AGO1: variants seen among roughly 807,000 people sequenced by gnomAD.
The protein encoded by AGO1 is protein argonaute-1.
AGO1 carries 11 observed loss-of-function variants against 109.2 expected under a neutral mutation model. The ratio of observed to expected loss-of-function variants is 0.10; its 90% confidence interval spans 0.06 to 0.17. The LOEUF (loss-of-function observed/expected upper bound fraction) is 0.17. Among genes scored for constraint, AGO1 ranks in the 10% least tolerant of loss-of-function variants. The probability of loss-of-function intolerance (pLI) is 1.00; values close to 1 mark genes in which losing one functional copy is unlikely to be tolerated. For missense variants in AGO1, 574 were observed against 1,140.3 expected, an observed-to-expected ratio of 0.50 and a Z score of 7.15; for synonymous variants, 422 against 418.6, an observed-to-expected ratio of 1.01 and a Z score of -0.10.
chr1:35,886,212 G>C lies in AGO1; in HGVS notation c.26-2215G>C, dbSNP rs566651312. On this transcript the variant is annotated intron_variant, in intron 1 of 18. Coordinates refer to ENST00000373204, the MANE Select transcript of AGO1 (RefSeq NM_012199.5). ...AGGCCCAAGCTTTGTCCTCTGTGCT[G>C]GGGCCCTCATCTGCATCACAAAGTG... Among the ~76,000 whole-genome samples, 11 of 152,284 alleles carry C rather than the reference G, an allele frequency of 7.2e-5. 1 individual carries two copies. Among genetic ancestry groups the C allele is most frequent in the Non-Finnish European group, 1.6e-4 (11 of 68,032 alleles).
chr1:35,894,409 T>A lies in AGO1; in HGVS notation c.872+7T>A, dbSNP rs2148711813. ...GCCCTGCTAGCCATCAGACGTAAGT[T>A]GGCAGGGGTGCTGAGTCATACTTTG... is the stretch of plus-strand genomic sequence containing the variant. On this transcript the variant is annotated splice_region_variant and intron_variant, in intron 7 of 18. Transcript: ENST00000373204. The A allele has an allele frequency of 6.2e-7, 1 of 1,613,830 alleles. No homozygotes were observed. The highest frequency in any genetic ancestry group is 1.3e-5 in the African/African-American group (1 of 75,020).
rs116755278 is a variant in AGO1 at position 35,906,919 on chromosome 1, C to T, written c.1398-16C>T. ...GTGAGACTCACTGCCTCCTTTGTGA[C>T]CATGCGTGTGTACAGGAACTTCACA... On this transcript the variant is annotated splice_polypyrimidine_tract_variant and intron_variant, in intron 11 of 18. Transcript: ENST00000373204. 1,520 of 1,599,276 alleles carry T rather than the reference C, an allele frequency of 9.5e-4. 16 individuals carry two copies. The African/African-American group carries it at 0.016, about 17-fold the overall frequency.
rs577246142 is a variant in AGO1 at position 35,924,361 on chromosome 1, C to T, written c.*4754C>T. ...CAAACTTTTGGGACTGATTACATCTCTAATAGATTTTAGGTGAGAATAATA... is the reference window on the plus strand; with the variant it reads ...CAAACTTTTGGGACTGATTACATCTTTAATAGATTTTAGGTGAGAATAATA... On this transcript the variant is annotated 3_prime_UTR_variant, in exon 19 of 19. Coordinates refer to ENST00000373204, the MANE Select transcript of AGO1 (RefSeq NM_012199.5). The T allele has an allele frequency of 1.3e-5, 2 of 152,618 alleles. No homozygotes were observed. The highest frequency in any genetic ancestry group is 3.9e-4 in the East Asian group (2 of 5,184). The allele number at this position is 152,618 out of a possible 1,614,324, so 9.5% of individuals were successfully genotyped here.
chr1:35,915,268 T>C, intron 14 of AGO1, 80 bp from the exon 15 acceptor site: 1 of 1,328,134 alleles, frequency 7.5e-7, no homozygotes, highest in South Asian at 1.3e-5. Context: ...GTTTTCTTGC[T>C]AAGAAGCCTT....
At position 35,921,057 on chromosome 1, in the gene AGO1, A is replaced by C. The variant is rs924373359; in HGVS notation, c.*1450A>C. 6.6e-6 allele frequency: 1 copy of C among 152,644 alleles called. No homozygotes were observed. The highest frequency in any genetic ancestry group is 1.5e-5 in the Non-Finnish European group (1 of 68,200). 9.5% of individuals were successfully genotyped at this position (152,644 alleles called of 1,614,324 possible). A position where few individuals can be genotyped will look rare whatever the true frequency, so the allele number is the denominator to read the frequency against. On this transcript the variant is annotated 3_prime_UTR_variant, in exon 19 of 19. Coordinates refer to ENST00000373204, the MANE Select transcript of AGO1 (RefSeq NM_012199.5). Reference sequence around the variant, plus strand: ...GGCTCCATCCTTCCTCTGTGCAGATAATACCTTTTTCTTGCTATAGCCTCC... The same window carrying C: ...GGCTCCATCCTTCCTCTGTGCAGATCATACCTTTTTCTTGCTATAGCCTCC...
rs751632923 is a variant in AGO1 at position 35,914,244 on chromosome 1, A to G, written c.1803A>G (p.Ala601=). 1.2e-6 allele frequency: 2 copies of G among 1,614,164 alleles called. No homozygotes were observed. Among genetic ancestry groups the G allele is most frequent in the Non-Finnish European group, 8.5e-7 (1 of 1,179,998 alleles). The part of the protein sequence containing the change: ...FLGADVTHPP[A]GDGKKPSITA... ...GAGCAGATGTTACACACCCCCCAGC[A>G]GGGGATGGGAAAAAACCTTCTATCA... The change falls in exon 14 of 19, where the codon GCA becomes GCG. Residue 601 remains alanine, a synonymous_variant. Transcript: ENST00000373204.
chr1:35,928,242 T>G lies in AGO1; in HGVS notation c.*8635T>G, dbSNP rs558557808. On this transcript the variant is annotated 3_prime_UTR_variant, in exon 19 of 19. Transcript: ENST00000373204. ...ATTGATCATCTTTTCATGTGCTCAC[T>G]TACTATCCCCATATCTTTGTTGTTT... The G allele has an allele frequency of 2.0e-5, 3 of 152,326 alleles. No individual in the cohort carries two copies. In the East Asian group the frequency reaches 5.8e-4, roughly 29 times the overall value. 9.4% of individuals were successfully genotyped at this position (152,326 alleles called of 1,614,324 possible).
Position 35,893,119 on chromosome 1 carries a change from C to A in AGO1, c.353C>A (p.Pro118His). 6.2e-7 allele frequency: 1 copy of A among 1,614,064 alleles called. No individual in the cohort carries two copies. Reference protein sequence around the residue: ...NERVDFEVTIPGEGKDRIFKV... With the variant: ...NERVDFEVTIHGEGKDRIFKV... ...AAGGTCGACTTTGAGGTGACAATCC[C>A]TGGGGAAGGGAAGGATCGAATCTTT... is the stretch of plus-strand genomic sequence containing the variant. The change falls in exon 4 of 19, where the codon CCT becomes CAT. Residue 118 changes from proline to histidine, a missense_variant. This residue lies in a region of AGO1 where 129 missense variants were observed against 243.0 expected (regional missense o/e 0.53). Transcript: ENST00000373204. The surrounding 1 kb of genome is among the most constrained non-coding windows in gnomAD (Gnocchi z 5.6).
intron 8 of AGO1, among the ~76,000 whole-genome samples, chr1:35,900,878 A>T (rs972789301): frequency 6.6e-6 from 1 of 152,168 alleles, no homozygotes; most frequent in Non-Finnish European, 1.5e-5. Context: ...ACTGCACTCC[A>T]GCCTGGGTAA....
chr1:35,918,005 A>G (rs1372818565), intron 16 of AGO1, among the ~76,000 whole-genome samples: 2 of 152,018 alleles, frequency 1.3e-5, no homozygotes, highest in African/African-American at 4.8e-5. Context: ...GGGAACTACC[A>G]TTTATTGAAC....
chr1:35,914,273 C>T lies in AGO1; in HGVS notation c.1832C>T (p.Ala611Val). The stretch of plus-strand genomic sequence containing the variant: ...GATGGGAAAAAACCTTCTATCACAG[C>T]AGTGAGTGATATTCTGTAGCTGCCT... ...AGDGKKPSIT[A>V]VVGSMDAHPS... The change falls in exon 14 of 19, where the codon GCA becomes GTA. Residue 611 changes from alanine to valine, a missense_variant and splice_region_variant. Ala to Val is a moderately conservative substitution (Grantham distance 64). Transcript: ENST00000373204. The T allele has an allele frequency of 6.2e-7, 1 of 1,612,976 alleles. No individual in the cohort carries two copies. Among genetic ancestry groups the T allele is most frequent in the Non-Finnish European group, 8.5e-7 (1 of 1,178,896 alleles).
In AGO1 at chr1:35,929,203, C is replaced by T. The variant is rs1025669719; in HGVS notation, c.*9596C>T. ...AGGAGAGAGCCTCATACAGCTTTGCCTTTGGCAGAATCCTTCAAACCTCTT... is the reference window on the plus strand; with the variant it reads ...AGGAGAGAGCCTCATACAGCTTTGCTTTTGGCAGAATCCTTCAAACCTCTT... On this transcript the variant is annotated 3_prime_UTR_variant, in exon 19 of 19. Coordinates refer to ENST00000373204, the MANE Select transcript of AGO1 (RefSeq NM_012199.5). The T allele has an allele frequency of 6.6e-6, 1 of 152,264 alleles. No homozygotes were observed. The highest frequency in any genetic ancestry group is 6.5e-5 in the Admixed American group (1 of 15,290). The allele number at this position is 152,264 out of a possible 1,614,324, so 9.4% of individuals were successfully genotyped here.
At position 35,896,004 on chromosome 1, in the gene AGO1, C is replaced by CT. The variant is rs546982959; in HGVS notation, c.1020+747dup. ...CCACCCATACCGACTGAATCAGAAT[C>CT]TTTTTTTTTTTTGAGATGGAGTTTC... On this transcript the variant is annotated intron_variant, in intron 8 of 18. Transcript: ENST00000373204. Among the ~76,000 whole-genome samples, 193 of 146,270 alleles carry CT rather than the reference C, an allele frequency of 1.3e-3. 1 individual carries two copies. The highest frequency in any genetic ancestry group is 0.011 in the East Asian group (56 of 5,058).
At chr1:35,872,821 C>T (rs916235292) in intron 1 of AGO1, among the ~76,000 whole-genome samples, 4 of 152,138 alleles carry the variant, frequency 2.6e-5, no homozygotes, top group Non-Finnish European at 5.9e-5. Flanking sequence ...GATTCTCCCA[C>T]TTCAGTCTCC....
At chr1:35,873,913 T>C (rs547696619) in intron 1 of AGO1, among the ~76,000 whole-genome samples, 2 of 152,332 alleles carry the variant, frequency 1.3e-5, no homozygotes, top group South Asian at 4.1e-4. Context: ...TTTTGTTTTG[T>C]TTTTACAAAT....
rs1645165663 is a variant in AGO1 at position 35,888,899 on chromosome 1, AG to A, written c.209+290del. 6.6e-6 allele frequency among the ~76,000 whole-genome samples: 1 copy of A among 152,254 alleles called. No individual in the cohort carries two copies. The highest frequency in any genetic ancestry group is 2.4e-5 in the African/African-American group (1 of 41,472). On this transcript the variant is annotated intron_variant, in intron 2 of 18. Transcript: ENST00000373204. This position sits in a 1 kb window ranked among gnomAD's most constrained non-coding sequence, Gnocchi z 4.1. ...ACAGTACCTACTACATTTCAATATT[AG>A]TTGAATGAATAAAGAGTTTTAAAGA...
chr1:35,876,151 G>A (rs1644990402), intron 1 of AGO1, among the ~76,000 whole-genome samples: 1 of 152,190 alleles, frequency 6.6e-6, no homozygotes, highest in Non-Finnish European at 1.5e-5. Flanking sequence ...AATTGCAGAT[G>A]TGGTGGAAAC....
Position 35,922,292 on chromosome 1 carries a change from A to AT in AGO1, c.*2692dup, listed in dbSNP as rs1645847010. Reference sequence around the variant, plus strand: ...TGACAAGAAATGAGTTCTTACTCTGATTTTTTTGTAAAAAGATAATTTTTG... The same window carrying AT: ...TGACAAGAAATGAGTTCTTACTCTGATTTTTTTTGTAAAAAGATAATTTTTG... On this transcript the variant is annotated 3_prime_UTR_variant, in exon 19 of 19. Transcript: ENST00000373204. 1 of 152,620 alleles carries AT rather than the reference A, an allele frequency of 6.6e-6. No individual in the cohort carries two copies. The highest frequency in any genetic ancestry group is 1.5e-5 in the Non-Finnish European group (1 of 68,030). 9.5% of individuals were successfully genotyped at this position (152,620 alleles called of 1,614,324 possible).
At chr1:35,918,947 C>A (rs1335678683) in intron 17 of AGO1, 108 bp from the exon 18 acceptor site, 1 of 1,004,428 alleles carries the variant, frequency 1.0e-6, no homozygotes, top group Non-Finnish European at 1.5e-6. Context: ...TCTGCCTGTT[C>A]ATGGGTGAAT....
Sources: allele counts gnomAD v4.1 joint callset (sites outside exome capture counted in the v4.1 genomes callset), GRCh38; gene constraint gnomAD v4.1.1; regional missense constraint gnomAD v4.1.1; non-coding constraint Gnocchi (gnomAD v3.1); transcripts MANE v1.5; gene names NCBI Gene and HGNC (gene_info 2026-07-23, HGNC 2026-07-21).